Variants in ALPK1 observed in about 807,000 individuals in gnomAD.
The protein encoded by ALPK1 is alpha-protein kinase 1.
ALPK1 carries 110 observed loss-of-function variants against 120.6 expected under a neutral mutation model. That is an observed-to-expected ratio of 0.91 (90% CI 0.78 to 1.07). The LOEUF (loss-of-function observed/expected upper bound fraction) is 1.07. Ranked by LOEUF, ALPK1 falls within the 50% of genes least tolerant of loss-of-function variation. The pLI is 0.00. For missense variants in ALPK1, 1,498 were observed against 1,483.9 expected, an observed-to-expected ratio of 1.01 and a Z score of -0.16; for synonymous variants, 582 against 560.3, an observed-to-expected ratio of 1.04 and a Z score of -0.55.
intron 2 of ALPK1, among the ~76,000 whole-genome samples, chr4:112,349,055 G>GTT (rs576793050): frequency 6.9e-6 from 1 of 145,608 alleles, no homozygotes; most frequent in Non-Finnish European, 1.5e-5. Context: ...TGCAGTTTTT[G>GTT]TTTTTTTTTT....
At position 112,438,588 on chromosome 4, in the gene ALPK1, G is replaced by C. The variant is rs770828975; in HGVS notation, c.3293G>C (p.Arg1098Thr). The change falls in exon 13 of 16, where the codon AGA (arginine) becomes ACA (threonine). Residue 1098 changes from arginine to threonine, a missense_variant. Coordinates refer to ENST00000650871, the MANE Select transcript of ALPK1 (RefSeq NM_025144.4). ...CACTATGTGACAGAATTTAACAAGA[G>C]ACTCTATGAACAAAACATTCCCACC... ...AQHYVTEFNK[R>T]LYEQNIPTQI... The C allele has an allele frequency of 6.2e-7, 1 of 1,613,848 alleles. No individual in the cohort carries two copies. Among genetic ancestry groups the C allele is most frequent in the Non-Finnish European group, 8.5e-7 (1 of 1,179,820 alleles).
chr4:112,355,365 G>C (rs1333148139), intron 2 of ALPK1, among the ~76,000 whole-genome samples: 2 of 152,176 alleles, frequency 1.3e-5, no homozygotes, highest in Non-Finnish European at 2.9e-5. Context: ...GGCCCACCCG[G>C]GCCAGTGGGG....
In ALPK1 at chr4:112,431,319, C is replaced by T; in HGVS notation, c.1772C>T (p.Ser591Phe). Residue 591 changes from serine to phenylalanine, a missense_variant, in exon 11 of 16, where the codon TCC becomes TTC. Physicochemically the swap from Ser to Phe is radical, Grantham distance 155. Transcript: ENST00000650871. ...SAWSNLSGFS[S>F]SASWEEVNYH... ...TGGAGCAACTTATCAGGGTTTAGTT[C>T]CTCTGCAAGCTGGGAGGAAGTGAAT... The T allele has an allele frequency of 6.2e-7, 1 of 1,614,166 alleles. No individual in the cohort carries two copies. The highest frequency in any genetic ancestry group is 8.5e-7 in the Non-Finnish European group (1 of 1,180,034).
In ALPK1 at chr4:112,430,668, C is replaced by T. The variant is rs772519624; in HGVS notation, c.1121C>T (p.Thr374Met). 90 of 1,614,012 alleles carry T rather than the reference C, an allele frequency of 5.6e-5. No individual in the cohort carries two copies. Among genetic ancestry groups the T allele is most frequent in the South Asian group, 2.1e-4 (19 of 91,078 alleles). Reference sequence around the variant, plus strand: ...AGAAGGCTCCATGGGGAGACAGGGACGGTCCATGCAGCAAGTCAGCTCTGT... The same window carrying T: ...AGAAGGCTCCATGGGGAGACAGGGATGGTCCATGCAGCAAGTCAGCTCTGT... ...VHRRLHGETG[T>M]VHAASQLCKE... Residue 374 changes from threonine to methionine, a missense_variant, in exon 11 of 16, where the codon ACG becomes ATG. Coordinates refer to ENST00000650871, the MANE Select transcript of ALPK1 (RefSeq NM_025144.4).
chr4:112,298,731 C>A (rs1727653978), intron 1 of ALPK1, among the ~76,000 whole-genome samples: 1 of 152,110 alleles, frequency 6.6e-6, no homozygotes, highest in South Asian at 2.1e-4. Flanking sequence ...CTGTGATGAG[C>A]TTTGCTGATG....
At chr4:112,342,099 G>C (rs1002254579) in intron 2 of ALPK1, among the ~76,000 whole-genome samples, 2 of 152,190 alleles carry the variant, frequency 1.3e-5, no homozygotes, top group Admixed American at 6.6e-5. Flanking sequence ...AAGAATTCCT[G>C]TGTGAAAATG....
At chr4:112,359,092 C>T (rs1272370330) in intron 2 of ALPK1, 14 of 736,900 alleles carry the variant, frequency 1.9e-5, no homozygotes, top group African/African-American at 1.6e-4. Flanking sequence ...AGGACAGCGC[C>T]GGATCCCAAG....
In ALPK1 at chr4:112,435,262, T is replaced by A; in HGVS notation, c.3149T>A (p.Phe1050Tyr). ...AAAAAAGGCAGACAAAGAAATGCTT[T>A]TTGGGTTCATCATCTTCATCAAGAA... ...VKKKGRQRNAFWVHHLHQEEI... is the reference protein window; with the variant it reads ...VKKKGRQRNAYWVHHLHQEEI... The change falls in exon 12 of 16, where the codon TTT becomes TAT. Residue 1050 changes from phenylalanine to tyrosine, a missense_variant. Coordinates refer to ENST00000650871, the MANE Select transcript of ALPK1 (RefSeq NM_025144.4). The A allele has an allele frequency of 5.0e-6, 8 of 1,612,954 alleles. No individual in the cohort carries two copies. The highest frequency in any genetic ancestry group is 6.8e-6 in the Non-Finnish European group (8 of 1,179,730).
intron 13 of ALPK1, among the ~76,000 whole-genome samples, chr4:112,439,281 A>G (rs1398363308): frequency 6.6e-6 from 1 of 152,174 alleles, no homozygotes; most frequent in African/African-American, 2.4e-5. Flanking sequence ...TCACTGTGCC[A>G]GGCAGTTTGC....
intron 2 of ALPK1, among the ~76,000 whole-genome samples, chr4:112,345,000 AT>A (rs1730044580): frequency 6.6e-6 from 1 of 152,134 alleles, no homozygotes; most frequent in Admixed American, 6.5e-5. Flanking sequence ...GAAGTTGGAG[AT>A]TTTCTTTCCC....
chr4:112,331,005 G>T (rs1729345021), intron 2 of ALPK1, among the ~76,000 whole-genome samples: 1 of 152,208 alleles, frequency 6.6e-6, no homozygotes, highest in Non-Finnish European at 1.5e-5. Flanking sequence ...ACTATGATCA[G>T]CCAACAGGAG....
At chr4:112,433,398 C>G (rs1734662323) in intron 11 of ALPK1, among the ~76,000 whole-genome samples, 1 of 152,178 alleles carries the variant, frequency 6.6e-6, no homozygotes. Context: ...GAATCTACCC[C>G]TCAGGACCTA....
chr4:112,392,007 C>T (rs1473067097), intron 4 of ALPK1, among the ~76,000 whole-genome samples: 1 of 152,032 alleles, frequency 6.6e-6, no homozygotes, highest in Non-Finnish European at 1.5e-5. Context: ...AATATTTCAA[C>T]AGAAATGCTT....
At chr4:112,399,711 A>T (rs1455445827) in intron 4 of ALPK1, among the ~76,000 whole-genome samples, 1 of 152,024 alleles carries the variant, frequency 6.6e-6, no homozygotes, top group Non-Finnish European at 1.5e-5. Context: ...TAAGCCCCAC[A>T]TGCATCAGGT....
intron 2 of ALPK1, chr4:112,357,284 A>G: frequency 9.0e-7 from 1 of 1,105,598 alleles, no homozygotes; most frequent in Admixed American, 1.9e-5. Context: ...GTTCGCCAAC[A>G]CAGCCGGACT....
intron 1 of ALPK1, among the ~76,000 whole-genome samples, chr4:112,303,706 C>A (rs1254138009): frequency 6.6e-6 from 1 of 151,848 alleles, no homozygotes; most frequent in African/African-American, 2.4e-5. Flanking sequence ...CATGCTTCCC[C>A]AGCCACATCT....
intron 2 of ALPK1, among the ~76,000 whole-genome samples, chr4:112,322,259 T>G (rs1728895464): frequency 6.6e-6 from 1 of 152,240 alleles, no homozygotes; most frequent in South Asian, 2.1e-4. Context: ...AAATTTTACA[T>G]TATTTCAAAG....
Position 112,314,111 on chromosome 4 carries a change from G to A in ALPK1, c.-152-1690G>A, listed in dbSNP as rs538743375. Among the ~76,000 whole-genome samples the A allele has an allele frequency of 3.9e-5, 6 of 152,334 alleles. No individual in the cohort carries two copies. In the East Asian group the frequency reaches 1.2e-3, roughly 29 times the overall value. On this transcript the variant is annotated intron_variant, in intron 1 of 15. Coordinates refer to ENST00000650871, the MANE Select transcript of ALPK1 (RefSeq NM_025144.4). ...GTTGGACTTAGTGCCCAAATGGAGTGCTTGGTTTTAGATAAGAGCATGGGT... is the reference window on the plus strand; with the variant it reads ...GTTGGACTTAGTGCCCAAATGGAGTACTTGGTTTTAGATAAGAGCATGGGT...
chr4:112,404,216 T>C (rs994328024), intron 4 of ALPK1, among the ~76,000 whole-genome samples: 3 of 152,270 alleles, frequency 2.0e-5, no homozygotes, highest in Non-Finnish European at 4.4e-5. Context: ...TTATTTCTGT[T>C]TTGCTCTATT....
Sources: gnomAD v4.1 joint callset for allele counts (sites outside exome capture counted in the v4.1 genomes callset) on GRCh38, gnomAD v4.1.1 for gene constraint, MANE v1.5 for transcripts, NCBI Gene and HGNC (gene_info 2026-07-23, HGNC 2026-07-21) for gene names.